SORT1: variants seen among roughly 807,000 people sequenced by gnomAD.
SORT1 encodes sortilin.
SORT1 carries 39 observed loss-of-function variants against 101.7 expected under a neutral mutation model. The observed-to-expected ratio is 0.38, with a 90% CI of 0.30 to 0.50. The LOEUF is 0.50. Ranked by LOEUF, SORT1 falls within the 20% of genes least tolerant of loss-of-function variation. The pLI is 0.90. For synonymous variants in SORT1, 396 were observed against 393.7 expected (o/e 1.01, Z -0.07); for missense variants, 878 against 1,040.4 (o/e 0.84, Z 2.15).
intron 2 of SORT1, 132 bp downstream of exon 2, chr1:109,369,398 G>T: frequency 1.5e-6 from 1 of 648,544 alleles, no homozygotes; most frequent in Non-Finnish European, 2.8e-6. Context: ...AGTCTGTCTT[G>T]CAAACATGTG....
chr1:109,341,880 T>G (rs1649251518), intron 9 of SORT1, 134 bp downstream of exon 9: 5 of 834,814 alleles, frequency 6.0e-6, no homozygotes, highest in Non-Finnish European at 7.9e-6. Flanking sequence ...CTACAGATGA[T>G]CTCTAGGACA....
chr1:109,337,319 T>C (rs1648899017), intron 10 of SORT1, among the ~76,000 whole-genome samples: 1 of 152,142 alleles, frequency 6.6e-6, no homozygotes, highest in Admixed American at 6.6e-5. Flanking sequence ...CAATCTCAGC[T>C]CACTGCAACC....
At chr1:109,329,628 C>T (rs537250834) in intron 11 of SORT1, among the ~76,000 whole-genome samples, 6 of 152,296 alleles carry the variant, frequency 3.9e-5, no homozygotes, top group Admixed American at 1.3e-4. Context: ...AAAGTTACCA[C>T]ACAATGATAA....
intron 8 of SORT1, among the ~76,000 whole-genome samples, chr1:109,345,536 A>G (rs575275992): frequency 6.6e-6 from 1 of 152,218 alleles, no homozygotes; most frequent in African/African-American, 2.4e-5. Flanking sequence ...AAATCCCAAA[A>G]AAGATAACAG....
At chr1:109,393,888 C>T (rs142651200) in intron 1 of SORT1, among the ~76,000 whole-genome samples, 161 of 151,456 alleles carry the variant, frequency 1.1e-3, no homozygotes, top group African/African-American at 3.7e-3. Context: ...CAATAATATA[C>T]ATATACGTAT....
rs1349670017 is a variant in SORT1, at chr1:109,320,742, T to C, written c.2024+2190A>G. Among the ~76,000 whole-genome samples the C allele has an allele frequency of 2.6e-5, 4 of 152,234 alleles. No homozygotes were observed. In the South Asian group the frequency reaches 6.2e-4, roughly 24 times the overall value. ...ACAAATTTTCCATTATCACTTTTCA[T>C]TACCTGCGCATAGCTGGTATTCAAT... On this transcript the variant is annotated intron_variant, in intron 15 of 19. Coordinates refer to ENST00000256637, the MANE Select transcript of SORT1 (RefSeq NM_002959.7).
chr1:109,397,665 A>G lies in SORT1; in HGVS notation c.228T>C (p.Arg76=). 2 of 1,212,048 alleles carry G rather than the reference A, an allele frequency of 1.7e-6. No homozygotes were observed. The highest frequency in any genetic ancestry group is 1.0e-6 in the Non-Finnish European group (1 of 972,256). The allele number at this position is 1,212,048 out of a possible 1,614,324, so 75.1% of individuals were successfully genotyped here. ...CCTCGTCCTCGCCCGGCGCGCTGCG[A>G]CGCCAACGGCCGCCGCGGGGAAACG... The part of the protein sequence containing the change: ...GGAFPRGGRW[R]RSAPGEDEEC... The change falls in exon 1 of 20, where the codon CGT becomes CGC. Residue 76 remains arginine, a synonymous_variant. Coordinates refer to ENST00000256637, the MANE Select transcript of SORT1 (RefSeq NM_002959.7).
At chr1:109,379,356 A>T (rs910236132) in intron 1 of SORT1, among the ~76,000 whole-genome samples, 1 of 152,134 alleles carries the variant, frequency 6.6e-6, no homozygotes, top group Non-Finnish European at 1.5e-5. Flanking sequence ...AAAGTTTACG[A>T]ATTTGTATTG....
rs11799329 is a variant in SORT1, at chr1:109,336,428, C to T, written c.1265-82G>A. The stretch of plus-strand genomic sequence containing the variant: ...TCACTTTATCACTGCATGACTCTCT[C>T]CTGAGACCGTATAGCACCTGGAGTC... On this transcript the variant is annotated intron_variant, in intron 10 of 19. Coordinates refer to ENST00000256637, the MANE Select transcript of SORT1 (RefSeq NM_002959.7). 4.9e-3 allele frequency: 4,363 copies of T among 895,546 alleles called. 124 individuals carry two copies. In the African/African-American group the frequency reaches 0.064, roughly 13 times the overall value. The allele number at this position is 895,546 out of a possible 1,614,324, so 55.5% of individuals were successfully genotyped here. A position where few individuals can be genotyped will look rare whatever the true frequency, so the allele number is the denominator to read the frequency against.
chr1:109,315,695 T>C (rs1462923804), intron 17 of SORT1, among the ~76,000 whole-genome samples: 2 of 151,316 alleles, frequency 1.3e-5, no homozygotes, highest in Non-Finnish European at 2.9e-5. Context: ...TCTTTACACA[T>C]CTCCAGTTCC....
chr1:109,390,612 TA>T, intron 1 of SORT1, among the ~76,000 whole-genome samples: 1 of 151,962 alleles, frequency 6.6e-6, no homozygotes, highest in East Asian at 1.9e-4. Context: ...AAATACTAGA[TA>T]AAAATGATTT....
chr1:109,384,284 T>C (rs145755088), intron 1 of SORT1, among the ~76,000 whole-genome samples: 1 of 152,178 alleles, frequency 6.6e-6, no homozygotes, highest in Non-Finnish European at 1.5e-5. Flanking sequence ...TAAGAGAAAT[T>C]TGCAGACCAT....
chr1:109,361,987 G>A (rs1257050123), intron 3 of SORT1, among the ~76,000 whole-genome samples: 1 of 151,868 alleles, frequency 6.6e-6, no homozygotes, highest in East Asian at 1.9e-4. Flanking sequence ...TTTTTGGGGG[G>A]TACTTTTTCT....
At chr1:109,355,523 T>G (rs1650248341) in intron 3 of SORT1, 54 bp from the exon 4 acceptor site, 5 of 815,554 alleles carry the variant, frequency 6.1e-6, no homozygotes, top group Non-Finnish European at 1.1e-5. Flanking sequence ...TGGATATTAC[T>G]GAGTTCCTAC....
chr1:109,355,693 G>A (rs923309809), intron 3 of SORT1, among the ~76,000 whole-genome samples: 3 of 130,906 alleles, frequency 2.3e-5, no homozygotes, highest in East Asian at 4.6e-4. Context: ...TTCAGGAATC[G>A]GGGAGTGACT....
chr1:109,395,276 A>T (rs1027128614), intron 1 of SORT1, among the ~76,000 whole-genome samples: 5 of 123,912 alleles, frequency 4.0e-5, no homozygotes, highest in Non-Finnish European at 7.9e-5. Context: ...GCTGGAGTAC[A>T]ACGGTGCGAT....
intron 1 of SORT1, among the ~76,000 whole-genome samples, chr1:109,389,178 T>A (rs1417751119): frequency 3.9e-5 from 6 of 152,192 alleles, no homozygotes. Flanking sequence ...ATCAGCAGGT[T>A]TATTAAGGAA....
chr1:109,316,885 T>G lies in SORT1; in HGVS notation c.2215A>C (p.Lys739Gln). 6.2e-7 allele frequency: 1 copy of G among 1,612,428 alleles called. No homozygotes were observed. The highest frequency in any genetic ancestry group is 8.5e-7 in the Non-Finnish European group (1 of 1,179,390). Residue 739 changes from lysine (K) to glutamine (Q), a missense_variant, in exon 17 of 20, where the codon AAA becomes CAA. Lys to Gln is a moderately conservative substitution (Grantham distance 53). Around this residue, in one of 2 missense-constraint regions of SORT1, gnomAD observed 684 missense variants for 894.5 expected, o/e 0.76. Coordinates refer to ENST00000256637, the MANE Select transcript of SORT1 (RefSeq NM_002959.7). ...PVREVKDLKK[K>Q]CTSNFLSPEK... ...GGACTCAAAAAGTTGCTTGTGCATTTCTTTTTCAAGTCTTTTACTTCTCGA... is the reference window on the plus strand; with the variant it reads ...GGACTCAAAAAGTTGCTTGTGCATTGCTTTTTCAAGTCTTTTACTTCTCGA...
intron 1 of SORT1, chr1:109,392,810 CT>C (rs756891372): frequency 9.5e-5 from 94 of 984,886 alleles, no homozygotes; most frequent in Non-Finnish European, 1.1e-4. Flanking sequence ...AGAGAAGACT[CT>C]TCATGAAGGT....
Sources: gnomAD v4.1 joint callset for allele counts (sites outside exome capture counted in the v4.1 genomes callset) on GRCh38, gnomAD v4.1.1 for gene constraint, gnomAD v4.1.1 regional missense constraint, MANE v1.5 for transcripts, NCBI Gene and HGNC (gene_info 2026-07-23, HGNC 2026-07-21) for gene names.